The following INVS variants were observed in gnomAD, a reference collection of about 807,000 sequenced individuals.
The protein encoded by INVS is inversion of embryo turning homolog.
INVS carries 86 observed loss-of-function variants against 108.8 expected under a neutral mutation model. The observed-to-expected ratio is 0.79, with a 90% confidence interval of 0.66 to 0.95. The LOEUF (loss-of-function observed/expected upper bound fraction) is 0.95. Among genes scored for constraint, INVS ranks in the 40% least tolerant of loss-of-function variants. INVS has a pLI of 0.00. For missense variants in INVS, 1,169 were observed against 1,297.4 expected (o/e 0.90, Z 1.52); for synonymous variants, 455 against 473.5 (o/e 0.96, Z 0.51).
intron 2 of INVS, among the ~76,000 whole-genome samples, chr9:100,112,923 T>C (rs1827387786): frequency 6.6e-6 from 1 of 152,190 alleles, no homozygotes; most frequent in Non-Finnish European, 1.5e-5. Flanking sequence ...AAAGTGTAAA[T>C]GAATTACTGT....
At chr9:100,214,086 A>G (rs1199413879) in intron 3 of INVS, among the ~76,000 whole-genome samples, 1 of 152,172 alleles carries the variant, frequency 6.6e-6, no homozygotes, top group Non-Finnish European at 1.5e-5. Context: ...TTTGTCTCAT[A>G]CAGCACTTAC....
intron 12 of INVS, among the ~76,000 whole-genome samples, chr9:100,274,380 A>AT (rs1421111601): frequency 6.6e-6 from 1 of 152,078 alleles, no homozygotes; most frequent in East Asian, 1.9e-4. Context: ...AAAAAGATTG[A>AT]TTTTAGATTA....
At chr9:100,226,536 G>T (rs1053310258) in intron 4 of INVS, among the ~76,000 whole-genome samples, 1 of 152,090 alleles carries the variant, frequency 6.6e-6, no homozygotes, top group Non-Finnish European at 1.5e-5. Flanking sequence ...CTGTCGGCCG[G>T]GCGCATTGGC....
At chr9:100,112,157 A>C (rs111300177) in intron 2 of INVS, among the ~76,000 whole-genome samples, 41 of 152,154 alleles carry the variant, frequency 2.7e-4, no homozygotes, top group African/African-American at 9.4e-4. Flanking sequence ...TTTTTAGTAG[A>C]GACAGGGTTT....
intron 3 of INVS, among the ~76,000 whole-genome samples, chr9:100,213,204 GGGGTTT>G (rs1362611988): frequency 6.9e-6 from 1 of 144,152 alleles, no homozygotes; most frequent in Non-Finnish European, 1.5e-5. Context: ...ATGAATTGGG[GGGGTTT>G]GGGGGTTGGG....
At chr9:100,218,200 A>G (rs986209786) in intron 3 of INVS, among the ~76,000 whole-genome samples, 9 of 152,350 alleles carry the variant, frequency 5.9e-5, no homozygotes, top group East Asian at 1.9e-4. Flanking sequence ...ACAAAAAAAT[A>G]TAGTGAACAT....
chr9:100,239,886 T>C (rs1465648422), intron 5 of INVS, among the ~76,000 whole-genome samples, 174 bp from the exon 6 acceptor site: 1 of 152,122 alleles, frequency 6.6e-6, no homozygotes, highest in Non-Finnish European at 1.5e-5. Flanking sequence ...GCAGGATTGC[T>C]TGAGCCCAGG....
At chr9:100,161,862 T>C (rs966707153) in intron 3 of INVS, among the ~76,000 whole-genome samples, 1 of 152,122 alleles carries the variant, frequency 6.6e-6, no homozygotes, top group Non-Finnish European at 1.5e-5. Flanking sequence ...ACCCTACAGA[T>C]AGAGAACTTC....
chr9:100,203,558 A>C (rs1830592711), intron 3 of INVS, among the ~76,000 whole-genome samples: 1 of 137,388 alleles, frequency 7.3e-6, no homozygotes, highest in Admixed American at 7.7e-5. Context: ...GCTGGAGTGC[A>C]GTGGCATGAT....
intron 13 of INVS, among the ~76,000 whole-genome samples, chr9:100,291,633 GA>G (rs749686349): frequency 2.7e-4 from 41 of 152,166 alleles, no homozygotes; most frequent in Non-Finnish European, 5.1e-4. Context: ...GGCATCCTGG[GA>G]TATCTCCATC....
At chr9:100,224,173 G>A (rs1405091477) in intron 3 of INVS, among the ~76,000 whole-genome samples, 1 of 152,230 alleles carries the variant, frequency 6.6e-6, no homozygotes, top group Non-Finnish European at 1.5e-5. Flanking sequence ...CAAGCTTGCT[G>A]TAGAGCTGCA....
chr9:100,197,391 T>C (rs1830410216), intron 3 of INVS, among the ~76,000 whole-genome samples: 1 of 151,728 alleles, frequency 6.6e-6, no homozygotes, highest in Non-Finnish European at 1.5e-5. Flanking sequence ...TGGGCAACAT[T>C]GCAAAACACT....
At chr9:100,185,305 C>T (rs1288007113) in intron 3 of INVS, among the ~76,000 whole-genome samples, 1 of 151,690 alleles carries the variant, frequency 6.6e-6, no homozygotes, top group Non-Finnish European at 1.5e-5. Context: ...TACCTACTCA[C>T]ATCACCACCA....
intron 3 of INVS, among the ~76,000 whole-genome samples, chr9:100,202,092 GTTT>G (rs35296886): frequency 3.4e-5 from 5 of 147,870 alleles, no homozygotes; most frequent in African/African-American, 1.2e-4. Flanking sequence ...TATTACAATA[GTTT>G]TTTTTTTTTT....
chr9:100,175,282 T>C lies in INVS; in HGVS notation c.273+48733T>C, dbSNP rs1829673382. On this transcript the variant is annotated intron_variant, in intron 3 of 16. Transcript: ENST00000262457. ...TGATTTGTGGGCCCAAAACAAACTA[T>C]CCATCCTTGCATATATCTTCTGCTG... 3.4e-5 allele frequency: 23 copies of C among 669,970 alleles called. No homozygotes were observed. The South Asian group carries it at 3.5e-4, about 10-fold the overall frequency. 41.5% of individuals were successfully genotyped at this position (669,970 alleles called of 1,614,324 possible). A position where few individuals can be genotyped will look rare whatever the true frequency, so the allele number is the denominator to read the frequency against.
At chr9:100,174,224 G>T (rs573262214) in intron 3 of INVS, among the ~76,000 whole-genome samples, 5 of 152,156 alleles carry the variant, frequency 3.3e-5, no homozygotes, top group Non-Finnish European at 5.9e-5. Context: ...AAATATGTTC[G>T]TAATGAATAA....
At chr9:100,149,352 T>C (rs1828737039) in intron 3 of INVS, among the ~76,000 whole-genome samples, 1 of 152,166 alleles carries the variant, frequency 6.6e-6, no homozygotes, top group African/African-American at 2.4e-5. Context: ...TTTGAAACTC[T>C]TATGTCCTAG....
chr9:100,265,203 A>G (rs1295223204), intron 11 of INVS, among the ~76,000 whole-genome samples: 3 of 152,086 alleles, frequency 2.0e-5, no homozygotes, highest in Non-Finnish European at 4.4e-5. Context: ...TCGGCCTCCC[A>G]AAGTGCTGGG....
intron 3 of INVS, among the ~76,000 whole-genome samples, chr9:100,211,824 A>G (rs1292613433): frequency 6.6e-6 from 1 of 152,186 alleles, no homozygotes; most frequent in East Asian, 1.9e-4. Context: ...TAAAGCTCCT[A>G]TTCTGTCTTT....
Sources: gnomAD v4.1 joint callset for allele counts (sites outside exome capture counted in the v4.1 genomes callset) on GRCh38, gnomAD v4.1.1 for gene constraint, MANE v1.5 for transcripts, NCBI Gene and HGNC (gene_info 2026-07-23, HGNC 2026-07-21) for gene names.